The following SGPP2 variants were observed in gnomAD, a reference collection of about 807,000 sequenced individuals.
The protein encoded by SGPP2 is sphingosine-1-phosphate phosphatase 2, also known as sphingosine 1-phosphate phosphohydrolase 2.
In SGPP2, 30 loss-of-function variants were observed where a neutral mutation model predicts 33.9. That is an observed-to-expected ratio of 0.89 (90% CI 0.66 to 1.20). The LOEUF is 1.20. SGPP2 is among the 50% of genes most tolerant of loss of function. The pLI is 0.00. For synonymous variants in SGPP2, 233 were observed against 225.0 expected (o/e 1.04, Z -0.32); for missense variants, 458 against 532.1 (o/e 0.86, Z 1.37).
chr2:222,483,805 A>C (rs1698065089), intron 2 of SGPP2, among the ~76,000 whole-genome samples: 1 of 152,212 alleles, frequency 6.6e-6, no homozygotes, highest in Non-Finnish European at 1.5e-5. Flanking sequence ...AAATGTGATT[A>C]TCTCTTAATC....
intron 2 of SGPP2, among the ~76,000 whole-genome samples, chr2:222,511,398 G>A (rs920127546): frequency 6.6e-6 from 1 of 152,178 alleles, no homozygotes; most frequent in East Asian, 1.9e-4. Flanking sequence ...GGACCTCCAT[G>A]CCATCCTTCA....
chr2:222,428,271 GC>G (rs1007571189), intron 1 of SGPP2, among the ~76,000 whole-genome samples: 1 of 152,222 alleles, frequency 6.6e-6, no homozygotes, highest in Admixed American at 6.5e-5. Flanking sequence ...GGGAGGCACT[GC>G]CCTGAGCAGA....
Position 222,477,232 on chromosome 2 carries a change from TAG to T in SGPP2, c.378+2507_378+2508del, listed in dbSNP as rs1479040031. On this transcript the variant is annotated intron_variant, in intron 2 of 4. Transcript: ENST00000321276. This position sits in a 1 kb window ranked among gnomAD's most constrained non-coding sequence, Gnocchi z 6.0. ...AGGTGCATATATATGTTTATGTATA[TAG>T]GTGTGTATATACATGTATGTGAGTA... is the stretch of plus-strand genomic sequence containing the variant. 6.6e-6 allele frequency among the ~76,000 whole-genome samples: 1 copy of T among 151,748 alleles called. No individual in the cohort carries two copies. Among genetic ancestry groups the T allele is most frequent in the African/African-American group, 2.4e-5 (1 of 41,256 alleles).
At chr2:222,486,058 C>T (rs991410887) in intron 2 of SGPP2, among the ~76,000 whole-genome samples, 12 of 152,228 alleles carry the variant, frequency 7.9e-5, no homozygotes, top group African/African-American at 2.9e-4. Flanking sequence ...GGGAACTGGC[C>T]TTGACCTCCA....
chr2:222,499,598 G>GTTGGGGGAAACACAAGTTGGGGCA lies in SGPP2; in HGVS notation c.379-22134_379-22111dup, dbSNP rs939360951. Among the ~76,000 whole-genome samples the GTTGGGGGAAACACAAGTTGGGGCA allele has an allele frequency of 5.9e-5, 9 of 151,836 alleles. No homozygotes were observed. The East Asian group carries it at 7.8e-4, about 13-fold the overall frequency. ...GAGGAGGAAGCAGAAAAGAGGACGT[G>GTTGGGGGAAACACAAGTTGGGGCA]TTGGGGGAAACACAAGTTGGGGCAT... On this transcript the variant is annotated intron_variant, in intron 2 of 4. Coordinates refer to ENST00000321276, the MANE Select transcript of SGPP2 (RefSeq NM_152386.4).
intron 4 of SGPP2, among the ~76,000 whole-genome samples, chr2:222,532,171 G>T (rs547302931): frequency 1.3e-5 from 2 of 152,190 alleles, no homozygotes; most frequent in Non-Finnish European, 2.9e-5. Context: ...CTACTTGGGA[G>T]GCTGAGGCAG....
chr2:222,441,535 A>G (rs1697325093), intron 1 of SGPP2, among the ~76,000 whole-genome samples: 1 of 152,236 alleles, frequency 6.6e-6, no homozygotes, highest in Admixed American at 6.5e-5. Flanking sequence ...TTAAAACTGT[A>G]AAGTATATAT....
At chr2:222,424,944 C>A in intron 1 of SGPP2, 123 bp downstream of exon 1, 2 of 780,784 alleles carry the variant, frequency 2.6e-6, no homozygotes, top group Non-Finnish European at 3.5e-6. Context: ...AGTGACCCGG[C>A]TCCCGCCGCT....
intron 2 of SGPP2, among the ~76,000 whole-genome samples, chr2:222,487,764 C>T (rs891617988): frequency 6.6e-6 from 1 of 152,166 alleles, no homozygotes; most frequent in East Asian, 1.9e-4. Context: ...AACATAACCA[C>T]GCAGCCCAGT....
At chr2:222,510,084 A>G (rs1475965313) in intron 2 of SGPP2, among the ~76,000 whole-genome samples, 1 of 152,240 alleles carries the variant, frequency 6.6e-6, no homozygotes, top group African/African-American at 2.4e-5. Context: ...CATTGTAAAT[A>G]TATAGCACAG....
At chr2:222,522,660 T>C (rs1360712220) in intron 3 of SGPP2, among the ~76,000 whole-genome samples, 1 of 152,134 alleles carries the variant, frequency 6.6e-6, no homozygotes, top group Non-Finnish European at 1.5e-5. Context: ...CTTTTACCCA[T>C]TGGATGTTTT....
chr2:222,451,980 T>C (rs1056807383), intron 1 of SGPP2, among the ~76,000 whole-genome samples: 6 of 152,218 alleles, frequency 3.9e-5, no homozygotes, highest in Non-Finnish European at 8.8e-5. Context: ...TACAGTTGAC[T>C]CTTGAGCAAC....
chr2:222,510,212 A>T (rs1424126830), intron 2 of SGPP2, among the ~76,000 whole-genome samples: 1 of 152,252 alleles, frequency 6.6e-6, no homozygotes, highest in Non-Finnish European at 1.5e-5. Context: ...GTGAGGACAC[A>T]TGCTTTCCAT....
rs1416119026 is a variant in SGPP2, at chr2:222,460,215, AATAACTGTATCATCAG to A, written c.220-14350_220-14335del. On this transcript the variant is annotated intron_variant, in intron 1 of 4. Coordinates refer to ENST00000321276, the MANE Select transcript of SGPP2 (RefSeq NM_152386.4). This position sits in a 1 kb window ranked among gnomAD's most constrained non-coding sequence, Gnocchi z 4.3. ...TTTTTGTTCCTGTGGTTTCTTGCTA[AATAACTGTATCATCAG>A]ATCCCACATGGCAGCGCCAAGGCCA... Among the ~76,000 whole-genome samples, 2 of 152,318 alleles carry A rather than the reference AATAACTGTATCATCAG, an allele frequency of 1.3e-5. No homozygotes were observed. The highest frequency in any genetic ancestry group is 6.5e-5 in the Admixed American group (1 of 15,296).
At position 222,476,705 on chromosome 2, in the gene SGPP2, T is replaced by C. The variant is rs1697939255; in HGVS notation, c.378+1979T>C. On this transcript the variant is annotated intron_variant, in intron 2 of 4. Transcript: ENST00000321276. This position sits in a 1 kb window ranked among gnomAD's most constrained non-coding sequence, Gnocchi z 4.3. Reference sequence around the variant, plus strand: ...TGTGTGTGTGTGCGTGTGTAAGGTATAACTGTATATATATGTATGTGTGTA... The same window carrying C: ...TGTGTGTGTGTGCGTGTGTAAGGTACAACTGTATATATATGTATGTGTGTA... 6.6e-6 allele frequency among the ~76,000 whole-genome samples: 1 copy of C among 151,890 alleles called. No individual in the cohort carries two copies. Among genetic ancestry groups the C allele is most frequent in the African/African-American group, 2.4e-5 (1 of 41,330 alleles).
rs146772306 is a variant in SGPP2 at position 222,494,002 on chromosome 2, C to T, written c.378+19276C>T. Among the ~76,000 whole-genome samples the T allele has an allele frequency of 1.4e-3, 210 of 152,312 alleles. 1 individual carries two copies. The highest frequency in any genetic ancestry group is 0.014 in the Middle Eastern group (4 of 294). On this transcript the variant is annotated intron_variant, in intron 2 of 4. Coordinates refer to ENST00000321276, the MANE Select transcript of SGPP2 (RefSeq NM_152386.4). ...CTCTGTTTTAATCTTTATAAAAGAA[C>T]AACCTGATGTCAACTCATCAGTCAT...
chr2:222,513,752 G>A (rs1382183764), intron 2 of SGPP2, among the ~76,000 whole-genome samples: 1 of 151,746 alleles, frequency 6.6e-6, no homozygotes, highest in African/African-American at 2.4e-5. Context: ...GTGGAGATCA[G>A]AGTGATGTGG....
At chr2:222,479,069 C>T (rs2106100755) in intron 2 of SGPP2, among the ~76,000 whole-genome samples, 1 of 152,262 alleles carries the variant, frequency 6.6e-6, no homozygotes, top group East Asian at 1.9e-4. Context: ...TAGTTATTAC[C>T]AGCCCACTTT....
chr2:222,439,332 A>C (rs1430011053), intron 1 of SGPP2, among the ~76,000 whole-genome samples: 1 of 152,136 alleles, frequency 6.6e-6, no homozygotes, highest in African/African-American at 2.4e-5. Context: ...AAACTGGCTC[A>C]AGTCTGGAAA....
Sources: allele counts gnomAD v4.1 joint callset (sites outside exome capture counted in the v4.1 genomes callset), GRCh38; gene constraint gnomAD v4.1.1; non-coding constraint Gnocchi (gnomAD v3.1); transcripts MANE v1.5; gene names NCBI Gene and HGNC (gene_info 2026-07-23, HGNC 2026-07-21).